RBBP6: variants seen among roughly 807,000 people sequenced by gnomAD.
The protein encoded by RBBP6 is RB binding protein 6, ubiquitin ligase.
RBBP6 carries 25 observed loss-of-function variants against 167.7 expected under a neutral mutation model. The ratio of observed to expected loss-of-function variants is 0.15; its 90% CI spans 0.11 to 0.21. The LOEUF (loss-of-function observed/expected upper bound fraction) is 0.21, where lower values mean the gene tolerates loss of function less well. Ranked by LOEUF, RBBP6 falls within the 10% of genes least tolerant of loss-of-function variation. RBBP6 has a pLI of 1.00. For missense variants in RBBP6, 1,868 were observed against 2,134.2 expected (o/e 0.88, Z 2.46); for synonymous variants, 789 against 735.8 (o/e 1.07, Z -1.17).
intron 10 of RBBP6, 119 bp from the exon 11 acceptor site, chr16:24,563,080 A>T (rs1164321053): frequency 2.9e-6 from 2 of 697,664 alleles, no homozygotes; most frequent in African/African-American, 3.7e-5. Flanking sequence ...AGAAGTATTC[A>T]TCATCTTTGA....
chr16:24,544,999 AC>A (rs1221267420), intron 1 of RBBP6, among the ~76,000 whole-genome samples: 28 of 152,020 alleles, frequency 1.8e-4, no homozygotes, highest in African/African-American at 6.8e-4. Context: ...CATTATCTCT[AC>A]CTGGATTTTT....
chr16:24,560,196 G>A (rs2141469800), intron 8 of RBBP6, among the ~76,000 whole-genome samples: 1 of 141,530 alleles, frequency 7.1e-6, no homozygotes, highest in Admixed American at 7.7e-5. Context: ...TGCATCCTCT[G>A]CCTTCTGGCT....
chr16:24,567,018 G>A (rs933001826), intron 14 of RBBP6, 125 bp from the exon 15 acceptor site: 17 of 997,388 alleles, frequency 1.7e-5, no homozygotes, highest in South Asian at 7.0e-5. Flanking sequence ...TGCTACACTA[G>A]TTGAATAGTT....
At chr16:24,545,217 G>A (rs534815528) in intron 1 of RBBP6, among the ~76,000 whole-genome samples, 21 of 152,038 alleles carry the variant, frequency 1.4e-4, no homozygotes, top group African/African-American at 4.8e-4. Context: ...GACTACAGGC[G>A]CCCACCACCA....
chr16:24,555,470 C>T, intron 4 of RBBP6, 145 bp from the exon 5 acceptor site: 1 of 648,780 alleles, frequency 1.5e-6, no homozygotes, highest in East Asian at 2.7e-5. Context: ...TTCCCAAGTG[C>T]CTCTTCCAGG....
chr16:24,563,151 G>C, intron 10 of RBBP6, 48 bp from the exon 11 acceptor site: 2 of 1,462,930 alleles, frequency 1.4e-6, no homozygotes, highest in Non-Finnish European at 1.9e-6. Flanking sequence ...ACTCTTAATT[G>C]TCCATTTCTG....
rs1368586204 is a variant in RBBP6, at chr16:24,561,604, A to G, written c.848-8A>G. 1.1e-5 allele frequency: 18 copies of G among 1,603,434 alleles called. No homozygotes were observed. Among genetic ancestry groups the G allele is most frequent in the East Asian group, 2.2e-5 (1 of 44,814 alleles). ...TGCTTTTATTAATATTTGAAATCTT[A>G]TACATAGGTATAAGAACAGCACTCC... On this transcript the variant is annotated splice_region_variant and splice_polypyrimidine_tract_variant and intron_variant, in intron 8 of 17. Transcript: ENST00000319715.
intron 10 of RBBP6, 63 bp from the exon 11 acceptor site, chr16:24,563,136 T>A (rs569361681): frequency 3.3e-5 from 46 of 1,377,158 alleles, no homozygotes; most frequent in Non-Finnish European, 4.5e-5. Context: ...GCAGCAAACT[T>A]TTTTACTCTT....
intron 1 of RBBP6, 54 bp downstream of exon 1, chr16:24,540,846 G>T: frequency 6.4e-7 from 1 of 1,568,622 alleles, no homozygotes; most frequent in Non-Finnish European, 8.6e-7. Context: ...ATACTAGCTA[G>T]AAGGTGCCTG....
Position 24,541,202 on chromosome 16 carries a change from AAC to A in RBBP6, c.166+411_166+412del, listed in dbSNP as rs1491554579. Among the ~76,000 whole-genome samples the A allele has an allele frequency of 5.9e-3, 395 of 66,602 alleles. 19 individuals carry two copies. Among genetic ancestry groups the A allele is most frequent in the South Asian group, 0.013 (33 of 2,506 alleles). 43.7% of individuals were successfully genotyped at this position (66,602 alleles called of 152,430 possible). A position where few individuals can be genotyped will look rare whatever the true frequency, so the allele number is the denominator to read the frequency against. ...TCAGCAAAAAAAAAAACAAAAAAAA[AAC>A]CAAAAAAACAATTTTCTAACCTAAC... On this transcript the variant is annotated intron_variant, in intron 1 of 17. Transcript: ENST00000319715.
intron 7 of RBBP6, among the ~76,000 whole-genome samples, chr16:24,557,798 G>A (rs74464848): frequency 2.0e-5 from 3 of 152,308 alleles, no homozygotes; most frequent in South Asian, 2.1e-4. Context: ...GAAGTGTAGT[G>A]TAGTGAGCAG....
At chr16:24,559,936 T>C (rs1020818814) in intron 8 of RBBP6, 3 of 228,530 alleles carry the variant, frequency 1.3e-5, no homozygotes, top group Admixed American at 5.7e-5. Flanking sequence ...TTTCTTAATA[T>C]AGACTTTTTG....
Position 24,559,586 on chromosome 16 carries a change from T to A in RBBP6, c.756T>A (p.Pro252=). 1 of 1,608,592 alleles carries A rather than the reference T, an allele frequency of 6.2e-7. No homozygotes were observed. The highest frequency in any genetic ancestry group is 8.5e-7 in the Non-Finnish European group (1 of 1,177,336). Residue 252 remains proline, a synonymous_variant, in exon 8 of 18, where the codon CCT becomes CCA. Transcript: ENST00000319715. ...CTTCTTCCTCAGAAGAAGATGATCC[T>A]ATCCCAGATGAATTGTTGTGTCTCA... ...EPSSSSEEDD[P]IPDELLCLIC...
At chr16:24,565,198 A>G (rs1899164094) in intron 14 of RBBP6, among the ~76,000 whole-genome samples, 1 of 152,190 alleles carries the variant, frequency 6.6e-6, no homozygotes, top group Non-Finnish European at 1.5e-5. Context: ...ATACCAGTTT[A>G]ATTTAAGATT....
rs144821029 is a variant in RBBP6 at position 24,567,331 on chromosome 16, C to T, written c.1778C>T (p.Pro593Leu). 6.2e-6 allele frequency: 10 copies of T among 1,613,934 alleles called. No individual in the cohort carries two copies. Among genetic ancestry groups the T allele is most frequent in the Non-Finnish European group, 8.5e-6 (10 of 1,179,982 alleles). Residue 593 changes from proline (P) to leucine (L), a missense_variant, in exon 15 of 18, where the codon CCA (proline) becomes CTA (leucine). Pro to Leu is a moderately conservative substitution (Grantham distance 98). Around this residue, in one of 7 missense-constraint regions of RBBP6, gnomAD observed 145 missense variants for 224.3 expected, o/e 0.65. Coordinates refer to ENST00000319715, the MANE Select transcript of RBBP6 (RefSeq NM_006910.5). ...CCTCAGTTTCCTCCTGGCCAGCCAC[C>T]ACCCGCTGGGTATAGTGTCCCTCCT... The part of the protein sequence containing the change: ...FSPQFPPGQP[P>L]PAGYSVPPPG...
chr16:24,571,243 A>G lies in RBBP6; in HGVS notation c.4177A>G (p.Lys1393Glu), dbSNP rs1289992868. Residue 1393 changes from lysine to glutamate, a missense_variant, in exon 18 of 18, where the codon AAA (lysine) becomes GAA (glutamate). Coordinates refer to ENST00000319715, the MANE Select transcript of RBBP6 (RefSeq NM_006910.5). ...CATACAACATGAGGTTAAAAGTTCA[A>G]AAAACTCTGCATCTAGTGAAAAAGG... The part of the protein sequence containing the change: ...EIIQHEVKSS[K>E]NSASSEKGKT... The G allele has an allele frequency of 6.2e-7, 1 of 1,612,678 alleles. No homozygotes were observed. The highest frequency in any genetic ancestry group is 8.5e-7 in the Non-Finnish European group (1 of 1,179,716).
At chr16:24,553,820 A>G (rs1898854736) in intron 4 of RBBP6, 1 of 228,484 alleles carries the variant, frequency 4.4e-6, no homozygotes, top group Non-Finnish European at 8.4e-6. Flanking sequence ...TCCCTCATAC[A>G]TTTTGTTTAA....
chr16:24,562,088 C>T lies in RBBP6; in HGVS notation c.1216C>T (p.Pro406Ser). 1.2e-6 allele frequency: 2 copies of T among 1,613,512 alleles called. No individual in the cohort carries two copies. Among genetic ancestry groups the T allele is most frequent in the Non-Finnish European group, 1.7e-6 (2 of 1,179,612 alleles). ...PPVSGNPSSA[P>S]APVPDITATV... The stretch of plus-strand genomic sequence containing the variant: ...TGTGTCTGGAAATCCGTCTTCTGCT[C>T]CAGCTCCTGTACCTGATATAACTGC... The change falls in exon 10 of 18, where the codon CCA (proline) becomes TCA (serine). Residue 406 changes from proline to serine, a missense_variant. Coordinates refer to ENST00000319715, the MANE Select transcript of RBBP6 (RefSeq NM_006910.5).
At position 24,570,040 on chromosome 16, in the gene RBBP6, A is replaced by T. The variant is rs1391911477; in HGVS notation, c.3350A>T (p.Asp1117Val). The T allele has an allele frequency of 1.2e-6, 2 of 1,607,986 alleles. No homozygotes were observed. The highest frequency in any genetic ancestry group is 1.7e-5 in the Admixed American group (1 of 58,356). The change falls in exon 17 of 18, where the codon GAT (aspartate) becomes GTT (valine). Residue 1117 changes from aspartate to valine, a missense_variant. Asp to Val is a radical substitution (Grantham distance 152, BLOSUM62 -3). Around this residue, in one of 7 missense-constraint regions of RBBP6, gnomAD observed 673 missense variants for 691.5 expected, o/e 0.97. Transcript: ENST00000319715. ...EEKVKKDYSK[D>V]VKSEKLTTKE... ...AAAGTGAAGAAGGACTATTCCAAAGATGTCAAATCAGAAAAGCTAACAACT... is the reference window on the plus strand; with the variant it reads ...AAAGTGAAGAAGGACTATTCCAAAGTTGTCAAATCAGAAAAGCTAACAACT...
Sources: allele counts gnomAD v4.1 joint callset (sites outside exome capture counted in the v4.1 genomes callset), GRCh38; gene constraint gnomAD v4.1.1; regional missense constraint gnomAD v4.1.1; transcripts MANE v1.5; gene names NCBI Gene and HGNC (gene_info 2026-07-23, HGNC 2026-07-21).